STPG2: variants seen among roughly 807,000 people sequenced by gnomAD.
STPG2 encodes sperm tail PG-rich repeat containing 2, also known as sperm-tail PG-rich repeat-containing protein 2.
STPG2 carries 56 observed loss-of-function variants against 54.2 expected under a neutral mutation model. The observed-to-expected ratio is 1.03, with a 90% CI of 0.83 to 1.29. The LOEUF (loss-of-function observed/expected upper bound fraction) is 1.29, where lower values mean the gene tolerates loss of function less well. STPG2 is among the 50% of genes most tolerant of loss of function. STPG2 has a pLI of 0.00. For synonymous variants in STPG2, 200 were observed against 181.8 expected (o/e 1.10, Z -0.81); for missense variants, 596 against 544.9 (o/e 1.09, Z -0.93).
At chr4:98,059,247 G>C (rs942598289) in intron 5 of STPG2, among the ~76,000 whole-genome samples, 1 of 151,984 alleles carries the variant, frequency 6.6e-6, no homozygotes, top group African/African-American at 2.4e-5. Flanking sequence ...AAACCTAGAA[G>C]AGACGGATAA....
intron 9 of STPG2, among the ~76,000 whole-genome samples, chr4:97,747,839 T>C (rs1225672785): frequency 6.6e-6 from 1 of 151,464 alleles, no homozygotes; most frequent in Non-Finnish European, 1.5e-5. Context: ...TGCTTAGAAA[T>C]TCTTGGTTTT....
downstream of STPG2, among the ~76,000 whole-genome samples, chr4:97,554,292 A>T (rs1458657599): frequency 6.6e-6 from 1 of 152,206 alleles, no homozygotes; most frequent in Non-Finnish European, 1.5e-5. Context: ...TCTCCCCTTG[A>T]CAGCTAGACT....
intron 9 of STPG2, among the ~76,000 whole-genome samples, chr4:97,720,749 A>G (rs1415114266): frequency 6.6e-6 from 1 of 152,016 alleles, no homozygotes; most frequent in Non-Finnish European, 1.5e-5. Context: ...GGAAAGCACA[A>G]ATATCACAAT....
intron 9 of STPG2, among the ~76,000 whole-genome samples, chr4:97,798,475 C>A (rs680663): frequency 0.16 from 24,494 of 152,138 alleles, 2,148 homozygotes; most frequent in East Asian, 0.36. Flanking sequence ...TGTTCAGATT[C>A]TATGCAGTTG....
intron 10 of STPG2, among the ~76,000 whole-genome samples, chr4:97,568,906 T>TG (rs1263513979): frequency 2.9e-4 from 44 of 151,572 alleles, no homozygotes; most frequent in African/African-American, 1.1e-3. Flanking sequence ...TTTTGTTTTT[T>TG]TTTTTGTTTG....
chr4:97,905,976 C>A (rs1272134005), intron 8 of STPG2, among the ~76,000 whole-genome samples: 1 of 152,078 alleles, frequency 6.6e-6, no homozygotes, highest in Non-Finnish European at 1.5e-5. Flanking sequence ...CAAGAGCAAA[C>A]ACATTCAAAA....
At chr4:97,747,524 T>C (rs937053036) in intron 9 of STPG2, among the ~76,000 whole-genome samples, 17 of 151,410 alleles carry the variant, frequency 1.1e-4, no homozygotes, top group Non-Finnish European at 2.4e-4. Flanking sequence ...TTTTACAAAT[T>C]TAAGGACCTT....
At chr4:97,571,093 G>A (rs1174720319) in intron 10 of STPG2, among the ~76,000 whole-genome samples, 1 of 151,300 alleles carries the variant, frequency 6.6e-6, no homozygotes, top group Admixed American at 6.6e-5. Context: ...CTTCTTGGAT[G>A]GTATAGTATT....
intron 8 of STPG2, among the ~76,000 whole-genome samples, chr4:97,855,259 A>C (rs139634476): frequency 0.01 from 1,530 of 152,208 alleles, 14 homozygotes; most frequent in Admixed American, 0.015. Context: ...ATTTATATTC[A>C]TTTAGGTATA....
intron 10 of STPG2, among the ~76,000 whole-genome samples, chr4:97,707,955 T>C (rs1358678116): frequency 6.6e-6 from 1 of 152,188 alleles, no homozygotes; most frequent in Non-Finnish European, 1.5e-5. Flanking sequence ...CAAAACATGG[T>C]AAAATTTCTT....
chr4:97,796,032 C>T (rs540762421), intron 9 of STPG2, among the ~76,000 whole-genome samples: 144 of 152,296 alleles, frequency 9.5e-4, no homozygotes, highest in Middle Eastern at 6.8e-3. Flanking sequence ...CCTTCGTCCA[C>T]TTTTAGATGG....
intron 9 of STPG2, among the ~76,000 whole-genome samples, chr4:97,741,580 A>G (rs568645133): frequency 9.2e-5 from 14 of 152,358 alleles, no homozygotes; most frequent in African/African-American, 3.4e-4. Context: ...TCTCAAAGGT[A>G]GACATGTATG....
At chr4:97,849,529 A>G (rs1729082312) in intron 8 of STPG2, among the ~76,000 whole-genome samples, 1 of 152,068 alleles carries the variant, frequency 6.6e-6, no homozygotes. Context: ...CATCTGACAA[A>G]GGGCTAATAT....
At chr4:97,596,694 T>C (rs1157609147) in intron 10 of STPG2, among the ~76,000 whole-genome samples, 1 of 152,064 alleles carries the variant, frequency 6.6e-6, no homozygotes, top group African/African-American at 2.4e-5. Flanking sequence ...AAGGCAGTAA[T>C]CAAAATATTG....
intron 5 of STPG2, among the ~76,000 whole-genome samples, chr4:98,079,803 A>G (rs1335242408): frequency 2.0e-5 from 3 of 152,146 alleles, no homozygotes; most frequent in African/African-American, 7.2e-5. Context: ...TAATTTTATA[A>G]TCAATATCAA....
At chr4:97,550,221 A>C (rs748210155) in intron 4 of STPG2, among the ~76,000 whole-genome samples, 1 of 152,072 alleles carries the variant, frequency 6.6e-6, no homozygotes, top group Non-Finnish European at 1.5e-5. Flanking sequence ...TCACTACTAA[A>C]GATTTATTAT....
intron 3 of STPG2, among the ~76,000 whole-genome samples, chr4:98,109,975 T>C (rs1316977962): frequency 6.6e-6 from 1 of 152,074 alleles, no homozygotes; most frequent in African/African-American, 2.4e-5. Flanking sequence ...ACTAAAACAA[T>C]AAAGCATAAC....
intron 5 of STPG2, among the ~76,000 whole-genome samples, chr4:97,987,283 AAATG>A (rs1348157795): frequency 1.3e-5 from 2 of 152,204 alleles, no homozygotes; most frequent in Admixed American, 1.3e-4. Context: ...TTAAATACTA[AAATG>A]AAGAAAGAAA....
At chr4:97,754,562 A>G (rs1180450248) in intron 9 of STPG2, among the ~76,000 whole-genome samples, 2 of 152,100 alleles carry the variant, frequency 1.3e-5, no homozygotes, top group African/African-American at 4.8e-5. Context: ...TAAATTTTGC[A>G]TGAGAGTCTG....
Sources: gnomAD v4.1 joint callset for allele counts (sites outside exome capture counted in the v4.1 genomes callset) on GRCh38, gnomAD v4.1.1 for gene constraint, MANE v1.5 for transcripts, NCBI Gene and HGNC (gene_info 2026-07-23, HGNC 2026-07-21) for gene names.